Variants in CNTN5 observed in about 807,000 individuals in gnomAD.
The protein encoded by CNTN5 is contactin-5.
CNTN5 carries 77 observed loss-of-function variants against 129.1 expected under a neutral mutation model. The observed-to-expected ratio is 0.60, with a 90% CI of 0.50 to 0.72. The LOEUF is 0.72. Ranked by LOEUF, CNTN5 falls within the 30% of genes least tolerant of loss-of-function variation. The pLI is 0.00. For synonymous variants in CNTN5, 509 were observed against 465.6 expected, an observed-to-expected ratio of 1.09 and a Z score of -1.20; for missense variants, 1,478 against 1,328.8, an observed-to-expected ratio of 1.11 and a Z score of -1.75.
intron 7 of CNTN5, among the ~76,000 whole-genome samples, chr11:99,934,720 A>G (rs945070707): frequency 6.6e-6 from 1 of 151,728 alleles, no homozygotes; most frequent in Non-Finnish European, 1.5e-5. Context: ...CTCTGTGTCT[A>G]CTAAAAATAC....
At chr11:100,212,571 CAG>C (rs1259807948) in intron 15 of CNTN5, among the ~76,000 whole-genome samples, 1 of 152,210 alleles carries the variant, frequency 6.6e-6, no homozygotes, top group Admixed American at 6.5e-5. Flanking sequence ...AGTTACTAGA[CAG>C]GGGGCAAGAG....
chr11:100,258,338 A>G (rs1950121752), intron 17 of CNTN5, among the ~76,000 whole-genome samples: 1 of 152,224 alleles, frequency 6.6e-6, no homozygotes, highest in African/African-American at 2.4e-5. Context: ...TGACAGGGAG[A>G]TGGGAACCAA....
chr11:99,228,681 TC>T (rs992314025), intron 1 of CNTN5, among the ~76,000 whole-genome samples: 3 of 152,074 alleles, frequency 2.0e-5, no homozygotes, highest in Admixed American at 1.3e-4. Flanking sequence ...TAAATATTAT[TC>T]TTTTTTTATA....
intron 1 of CNTN5, among the ~76,000 whole-genome samples, chr11:99,082,348 C>A (rs573312379): frequency 6.6e-6 from 1 of 152,240 alleles, no homozygotes; most frequent in East Asian, 1.9e-4. Context: ...CCATGCCCAG[C>A]TAATTTTTGT....
chr11:99,845,307 T>G (rs1947651390), intron 6 of CNTN5, 45 bp downstream of exon 6: 1 of 1,031,700 alleles, frequency 9.7e-7, no homozygotes, highest in South Asian at 2.9e-5. Flanking sequence ...ATATAGTGTG[T>G]ATATACAGTA....
intron 3 of CNTN5, among the ~76,000 whole-genome samples, chr11:99,622,388 GA>G (rs1466126066): frequency 6.6e-6 from 1 of 152,130 alleles, no homozygotes; most frequent in African/African-American, 2.4e-5. Flanking sequence ...ATTTGTAATG[GA>G]AACAACTGTT....
chr11:100,207,955 G>T (rs1348864381), intron 15 of CNTN5, among the ~76,000 whole-genome samples: 1 of 151,986 alleles, frequency 6.6e-6, no homozygotes, highest in East Asian at 1.9e-4. Context: ...TTTGGGTTTT[G>T]CCCACATTGC....
At chr11:99,753,093 A>G (rs928959369) in intron 3 of CNTN5, among the ~76,000 whole-genome samples, 3 of 136,182 alleles carry the variant, frequency 2.2e-5, no homozygotes, top group African/African-American at 8.2e-5. Context: ...TCCTTTAAGG[A>G]TTTATAACAT....
chr11:99,125,810 T>C (rs1345376883), intron 1 of CNTN5, among the ~76,000 whole-genome samples: 2 of 152,260 alleles, frequency 1.3e-5, no homozygotes, highest in Middle Eastern at 3.4e-3. Context: ...TTTAATATAT[T>C]CTCTTAAATG....
chr11:99,809,959 A>G (rs1282058032), intron 3 of CNTN5, among the ~76,000 whole-genome samples: 4 of 152,116 alleles, frequency 2.6e-5, no homozygotes. Context: ...ATATTTCTCA[A>G]CTAGCTCCTG....
intron 1 of CNTN5, among the ~76,000 whole-genome samples, chr11:99,189,894 A>G (rs11218718): frequency 0.12 from 18,882 of 151,524 alleles, 1,228 homozygotes; most frequent in Non-Finnish European, 0.14. Context: ...TGGCTGTGCA[A>G]AAGATTTTTA....
chr11:100,277,662 G>A (rs1231122099), intron 18 of CNTN5, among the ~76,000 whole-genome samples: 1 of 151,414 alleles, frequency 6.6e-6, no homozygotes, highest in African/African-American at 2.4e-5. Context: ...TTATGAATTG[G>A]GTTTTTTTTA....
At chr11:99,170,963 T>C (rs999746810) in intron 1 of CNTN5, among the ~76,000 whole-genome samples, 1 of 152,186 alleles carries the variant, frequency 6.6e-6, no homozygotes, top group African/African-American at 2.4e-5. Context: ...GCTAATGCAA[T>C]ATTAAGGCTG....
chr11:100,046,906 A>T (rs1215265785), intron 9 of CNTN5, among the ~76,000 whole-genome samples: 4 of 151,706 alleles, frequency 2.6e-5, no homozygotes, highest in South Asian at 2.1e-4. Flanking sequence ...TTTTCCAGGA[A>T]TTTTTTTTTA....
At chr11:100,145,018 T>TAGGGATAGTACAAGGAAGGGG (rs1287084742) in intron 13 of CNTN5, among the ~76,000 whole-genome samples, 1 of 152,100 alleles carries the variant, frequency 6.6e-6, no homozygotes, top group Non-Finnish European at 1.5e-5. Flanking sequence ...TTAGAGACCT[T>TAGGGATAGTACAAGGAAGGGG]TCCATTGGGG....
At chr11:100,034,799 A>G (rs1342936647) in intron 9 of CNTN5, among the ~76,000 whole-genome samples, 2 of 152,282 alleles carry the variant, frequency 1.3e-5, no homozygotes, top group Admixed American at 6.5e-5. Context: ...AAACTCAAAT[A>G]TGAACATCAT....
intron 4 of CNTN5, among the ~76,000 whole-genome samples, chr11:99,825,553 G>A (rs1396618087): frequency 6.6e-6 from 1 of 151,688 alleles, no homozygotes; most frequent in Non-Finnish European, 1.5e-5. Flanking sequence ...TCACTTTTTG[G>A]ATGAAGCATA....
At chr11:99,583,692 G>A (rs1949694946) in intron 3 of CNTN5, among the ~76,000 whole-genome samples, 1 of 152,174 alleles carries the variant, frequency 6.6e-6, no homozygotes, top group Admixed American at 6.5e-5. Flanking sequence ...TATTAGGGTG[G>A]GAGTGACCTG....
intron 16 of CNTN5, among the ~76,000 whole-genome samples, chr11:100,234,793 A>T (rs56065638): frequency 0.26 from 16,829 of 65,248 alleles, 875 homozygotes; most frequent in Admixed American, 0.32. Flanking sequence ...CCCAGAATTT[A>T]AAAAAAAAAA....
Sources: allele counts gnomAD v4.1 joint callset (sites outside exome capture counted in the v4.1 genomes callset), GRCh38; gene constraint gnomAD v4.1.1; transcripts MANE v1.5; gene names NCBI Gene and HGNC (gene_info 2026-07-23, HGNC 2026-07-21).